PABPN1L: variants seen among roughly 807,000 people sequenced by gnomAD.
PABPN1L encodes the protein PABPN1 like, cytoplasmic.
A neutral mutation model predicts 34.0 loss-of-function variants in PABPN1L; 45 were observed. The ratio of observed to expected loss-of-function variants is 1.32; its 90% CI spans 1.04 to 1.70. PABPN1L has a LOEUF of 1.70. PABPN1L is among the 40% of genes most tolerant of loss of function. The pLI, the probability that PABPN1L is intolerant of heterozygous loss-of-function variation, is 0.00. For missense variants in PABPN1L, 459 were observed against 367.8 expected (o/e 1.25, Z -2.03); for synonymous variants, 182 against 152.1 (o/e 1.20, Z -1.45).
At chr16:88,864,132 C>T (rs1291943867) in intron 6 of PABPN1L, 105 bp downstream of exon 6, 2 of 1,395,018 alleles carry the variant, frequency 1.4e-6, no homozygotes, top group Admixed American at 5.4e-5. Context: ...CCGCCAGGTA[C>T]ATTCCTGCAG....
rs182596572 is a variant in PABPN1L, at chr16:88,864,331, C to T, written c.703G>A (p.Gly235Arg). Residue 235 changes from glycine to arginine, a missense_variant, in exon 6 of 7, where the codon GGG becomes AGG. By Grantham distance (125) the Gly-to-Arg change is moderately radical. Transcript: ENST00000419291. Reference sequence around the variant, plus strand: ...GAGCCTGGGTGTCCTCGAAGGCCCCCGCGGTCTGTGGAGCTGATCCCAGGG... The same window carrying T: ...GAGCCTGGGTGTCCTCGAAGGCCCCTGCGGTCTGTGGAGCTGATCCCAGGG... The T allele has an allele frequency of 1.6e-3, 2,510 of 1,555,466 alleles. 2 individuals are homozygous for T. Among genetic ancestry groups the T allele is most frequent in the Non-Finnish European group, 2.0e-3 (2,329 of 1,149,250 alleles).
At chr16:88,864,056 G>A (rs1348917418) in intron 6 of PABPN1L, among the ~76,000 whole-genome samples, 181 bp downstream of exon 6, 1 of 139,722 alleles carries the variant, frequency 7.2e-6, no homozygotes, top group African/African-American at 3.0e-5. Flanking sequence ...ACCTCTCCCA[G>A]CAGAGAGGCT....
chr16:88,864,195 A>G, intron 6 of PABPN1L, 42 bp downstream of exon 6: 2 of 1,526,388 alleles, frequency 1.3e-6, no homozygotes, highest in Non-Finnish European at 1.8e-6. Context: ...GCCCTCCACC[A>G]TGGCCCTCGC....
At chr16:88,864,579 T>C (rs1322040983) in intron 5 of PABPN1L, among the ~76,000 whole-genome samples, 200 bp from the exon 6 acceptor site, 3 of 149,904 alleles carry the variant, frequency 2.0e-5, no homozygotes, top group Non-Finnish European at 4.4e-5. Flanking sequence ...GAGGGGGGGG[T>C]CACGGCCAGC....
chr16:88,866,628 T>C (rs1405311148), upstream of PABPN1L: 6 of 1,516,596 alleles, frequency 4.0e-6, no homozygotes, highest in Non-Finnish European at 5.3e-6. Context: ...AGGAGGAAGG[T>C]GGGCCAGGCG....
At chr16:88,869,984 A>G (rs1013562817), upstream of PABPN1L, among the ~76,000 whole-genome samples, 2 of 152,188 alleles carry the variant, frequency 1.3e-5, no homozygotes, top group Non-Finnish European at 2.9e-5. Context: ...TATTCCAGAC[A>G]GGATCCGTGT....
intron 6 of PABPN1L, 104 bp downstream of exon 6, chr16:88,864,133 A>AT: frequency 7.2e-7 from 1 of 1,390,272 alleles, no homozygotes; most frequent in Non-Finnish European, 9.5e-7. Context: ...CGCCAGGTAC[A>AT]TTCCTGCAGC....
upstream of PABPN1L, among the ~76,000 whole-genome samples, chr16:88,866,880 C>T (rs1247683845): frequency 6.6e-6 from 1 of 152,262 alleles, no homozygotes; most frequent in Non-Finnish European, 1.5e-5. Flanking sequence ...CTGCTTCCGC[C>T]TGGCCACGCT....
upstream of PABPN1L, among the ~76,000 whole-genome samples, chr16:88,868,917 C>G (rs1429612140): frequency 1.3e-5 from 2 of 152,186 alleles, no homozygotes; most frequent in Admixed American, 6.5e-5. Context: ...AACGTTAGCT[C>G]TGTCCTTTGT....
chr16:88,866,700 C>G, upstream of PABPN1L: 1 of 1,428,226 alleles, frequency 7.0e-7, no homozygotes, highest in Non-Finnish European at 9.2e-7. Flanking sequence ...GTTTTAAGCC[C>G]TCCCCTGAGG....
intron 5 of PABPN1L, 130 bp from the exon 6 acceptor site, chr16:88,864,509 T>TC: frequency 7.5e-7 from 1 of 1,338,028 alleles, no homozygotes; most frequent in Non-Finnish European, 9.9e-7. Flanking sequence ...CCTACAGGGT[T>TC]CCCTGCCTTT....
In PABPN1L at chr16:88,866,593, G is replaced by A. The variant is rs781399806; in HGVS notation, c.14C>T (p.Pro5Leu). 16 of 1,548,414 alleles carry A rather than the reference G, an allele frequency of 1.0e-5. No individual in the cohort carries two copies. The South Asian group carries it at 1.1e-4, about 10-fold the overall frequency. ...CGGGGGTGGGAAGAGAGAGCGGCTC[G>A]GGAAGGGCCACATGGTAGAGGGGCA... The change falls in exon 1 of 7, where the codon CCG becomes CTG. Residue 5 changes from proline to leucine, a missense_variant. Physicochemically the swap from Pro to Leu is moderately conservative, Grantham distance 98 (BLOSUM62 -3). Coordinates refer to ENST00000419291, the Ensembl canonical transcript of PABPN1L.
chr16:88,864,870 G>A (rs780720568), exon 5 of PABPN1L: 31 of 1,610,040 alleles, frequency 1.9e-5, no homozygotes, highest in Admixed American at 5.0e-5. Context: ...ACCCGGCCCC[G>A]GAAGAGGCTC....
chr16:88,865,227 G>T, intron 3 of PABPN1L, 99 bp from the exon 4 acceptor site: 1 of 1,314,388 alleles, frequency 7.6e-7, no homozygotes. Flanking sequence ...GCTGGGCCCC[G>T]TGGCGGGGAT....
chr16:88,866,252 C>T, intron 1 of PABPN1L, 100 bp downstream of exon 1: 1 of 1,464,634 alleles, frequency 6.8e-7, no homozygotes, highest in Non-Finnish European at 9.1e-7. Context: ...CTCTCCCCTC[C>T]TAAGTCAGCT....
chr16:88,864,968 G>GAGGGT (rs2143019944), intron 4 of PABPN1L, 28 bp from the exon 5 acceptor site: 1 of 1,604,428 alleles, frequency 6.2e-7, no homozygotes, highest in Non-Finnish European at 8.5e-7. Context: ...GAGGGGAGGG[G>GAGGGT]TGAGGCTGGG....
At chr16:88,864,137 C>G (rs74035873) in intron 6 of PABPN1L, 100 bp downstream of exon 6, 1 of 1,376,660 alleles carries the variant, frequency 7.3e-7, no homozygotes, top group Non-Finnish European at 9.6e-7. Flanking sequence ...AGGTACATTC[C>G]TGCAGCCCCA....
Position 88,864,836 on chromosome 16 carries a change from G to C in PABPN1L, c.654+17C>G. 6.3e-7 allele frequency: 1 copy of C among 1,595,156 alleles called. No homozygotes were observed. The highest frequency in any genetic ancestry group is 1.3e-5 in the African/African-American group (1 of 74,790). ...CCTCTGCGCTCATGTTCCTGGACCT[G>C]GGGAGCACCGGCGCACCTTGATGAC... On this transcript the variant is annotated intron_variant, in intron 5 of 6. Coordinates refer to ENST00000419291, the Ensembl canonical transcript of PABPN1L.
At chr16:88,866,091 T>C in intron 1 of PABPN1L, 150 bp from the exon 2 acceptor site, 1 of 1,350,066 alleles carries the variant, frequency 7.4e-7, no homozygotes, top group Non-Finnish European at 9.8e-7. Flanking sequence ...GGCAGCTGGC[T>C]GGGGATGAAC....
Sources: gnomAD v4.1 joint callset for allele counts (sites outside exome capture counted in the v4.1 genomes callset) on GRCh38, gnomAD v4.1.1 for gene constraint, MANE v1.5 for transcripts, NCBI Gene and HGNC (gene_info 2026-07-23, HGNC 2026-07-21) for gene names.